The following CYTH2 variants were observed in gnomAD, a reference collection of about 807,000 sequenced individuals.
CYTH2 encodes cytohesin-2.
CYTH2 carries 24 observed loss-of-function variants against 55.4 expected under a neutral mutation model. The observed-to-expected ratio is 0.43, with a 90% CI of 0.31 to 0.61. CYTH2 has a LOEUF of 0.61. Among genes scored for constraint, CYTH2 ranks in the 20% least tolerant of loss-of-function variants. The pLI is 0.08. For synonymous variants in CYTH2, 221 were observed against 209.6 expected (o/e 1.05, Z -0.47); for missense variants, 378 against 533.5 (o/e 0.71, Z 2.87).
At chr19:48,471,571 G>A (rs962331402) in intron 3 of CYTH2, among the ~76,000 whole-genome samples, 3 of 152,212 alleles carry the variant, frequency 2.0e-5, no homozygotes, top group African/African-American at 7.2e-5. Context: ...AGAGCCCTTG[G>A]ACACCGATAC....
chr19:48,475,035 C>A, intron 8 of CYTH2, 86 bp downstream of exon 8: 2 of 1,174,424 alleles, frequency 1.7e-6, no homozygotes, highest in Non-Finnish European at 2.5e-6. Context: ...CACACACCTG[C>A]TGCCTGAACT....
intron 11 of CYTH2, 109 bp from the exon 12 acceptor site, chr19:48,479,014 T>C (rs1971998346): frequency 5.3e-6 from 6 of 1,128,438 alleles, no homozygotes; most frequent in African/African-American, 1.6e-5. Context: ...GACTCCTGGG[T>C]CTGAGGGAGG....
At position 48,474,968 on chromosome 19, in the gene CYTH2, C is replaced by T. The variant is rs1328099905; in HGVS notation, c.808+19C>T. ...AAGCTGGGTACGTGCCCTCCCGACC[C>T]CGCTGGTCCCTCCGCAGGAGGACAT... On this transcript the variant is annotated intron_variant, in intron 8 of 11. Transcript: ENST00000452733. This position sits in a 1 kb window ranked among gnomAD's most constrained non-coding sequence, Gnocchi z 4.9. The T allele has an allele frequency of 1.9e-6, 3 of 1,608,976 alleles. No homozygotes were observed. Among genetic ancestry groups the T allele is most frequent in the African/African-American group, 1.3e-5 (1 of 74,754 alleles).
rs1421030075 is a variant in CYTH2, at chr19:48,474,415, A to C, written c.696+85A>C. On this transcript the variant is annotated intron_variant, in intron 7 of 11. Coordinates refer to ENST00000452733, the MANE Select transcript of CYTH2 (RefSeq NM_004228.7). The surrounding 1 kb of genome is among the most constrained non-coding windows in gnomAD (Gnocchi z 4.9). ...CCCACCTGTGGTCTCCTAGTGCCCA[A>C]GCTGTCTGCCCTCACCCCCAAGATG... 1 of 1,424,428 alleles carries C rather than the reference A, an allele frequency of 7.0e-7. No individual in the cohort carries two copies. The allele number at this position is 1,424,428 out of a possible 1,614,324, so 88.2% of individuals were successfully genotyped here.
In CYTH2 at chr19:48,478,311, C is replaced by T; in HGVS notation, c.922C>T (p.Leu308=). ...CCGAGGAATCATCCCCCTGGAGAAT[C>T]TGAGCATCCGAGAGGTGGACGACCC... ...EPRGIIPLEN[L]SIREVDDPRK... is the part of the protein sequence containing the mutation. The change falls in exon 10 of 12, where the codon CTG becomes TTG. Residue 308 remains leucine (L), a synonymous_variant. Transcript: ENST00000452733. The T allele has an allele frequency of 6.2e-7, 1 of 1,614,056 alleles. No homozygotes were observed. Among genetic ancestry groups the T allele is most frequent in the Non-Finnish European group, 8.5e-7 (1 of 1,180,006 alleles).
chr19:48,473,707 A>C (rs1971849733), intron 5 of CYTH2, 198 bp from the exon 6 acceptor site: 1 of 604,274 alleles, frequency 1.7e-6, no homozygotes, highest in Non-Finnish European at 2.9e-6. Context: ...TAGCAGAAAG[A>C]GGCTATTTCT....
At chr19:48,476,162 G>A in intron 8 of CYTH2, 1 of 348,236 alleles carries the variant, frequency 2.9e-6, no homozygotes, top group South Asian at 2.1e-5. Flanking sequence ...GTCAGGCAGG[G>A]CACAGGGGCC....
At chr19:48,471,236 A>G (rs1971786016) in intron 3 of CYTH2, among the ~76,000 whole-genome samples, 1 of 150,710 alleles carries the variant, frequency 6.6e-6, no homozygotes, top group Admixed American at 6.6e-5. Flanking sequence ...ATCTCGGCTC[A>G]CTAACCTCCG....
At chr19:48,473,446 C>G (rs925104915) in intron 5 of CYTH2, 68 bp downstream of exon 5, 1 of 1,507,056 alleles carries the variant, frequency 6.6e-7, no homozygotes, top group Non-Finnish European at 9.2e-7. Context: ...TTACAAGTGA[C>G]AAACCTTACT....
In CYTH2 at chr19:48,470,521, C is replaced by T. The variant is rs118155821; in HGVS notation, c.167+21C>T. On this transcript the variant is annotated intron_variant, in intron 2 of 11. Coordinates refer to ENST00000452733, the MANE Select transcript of CYTH2 (RefSeq NM_004228.7). Reference sequence around the variant, plus strand: ...GGCAGGTGAGGGCTGGGGCGGATGACCTAGGGGGCGTGGGGTTGGCTGAGG... The same window carrying T: ...GGCAGGTGAGGGCTGGGGCGGATGATCTAGGGGGCGTGGGGTTGGCTGAGG... 3.8e-4 allele frequency: 621 copies of T among 1,613,586 alleles called. 4 individuals are homozygous for T. The East Asian group carries it at 0.013, about 34-fold the overall frequency.
chr19:48,475,089 C>G, intron 8 of CYTH2, 140 bp downstream of exon 8: 1 of 706,312 alleles, frequency 1.4e-6, no homozygotes, highest in Non-Finnish European at 2.3e-6. Context: ...TTTCCACACC[C>G]AAAAAATGGG....
chr19:48,481,498 T>TG lies in CYTH2; in HGVS notation c.*2288_*2289insG, dbSNP rs985592274. The TG allele has an allele frequency of 5.4e-5, 10 of 186,302 alleles. No individual in the cohort carries two copies. Among genetic ancestry groups the TG allele is most frequent in the Admixed American group, 1.2e-4 (2 of 16,968 alleles). 11.5% of individuals were successfully genotyped at this position (186,302 alleles called of 1,614,324 possible). A position where few individuals can be genotyped will look rare whatever the true frequency, so the allele number is the denominator to read the frequency against. On this transcript the variant is annotated 3_prime_UTR_variant, in exon 12 of 12. Transcript: ENST00000452733. Reference sequence around the variant, plus strand: ...TTCTGATTTTTTTTGTAGGTTTTTTTTTTTGTTTTTTGTTTTGTTTTGTTT... The same window carrying TG: ...TTCTGATTTTTTTTGTAGGTTTTTTTGTTTTGTTTTTTGTTTTGTTTTGTTT...
rs754627559 is a variant in CYTH2, at chr19:48,482,012, G to T, written c.*2802G>T. Reference sequence around the variant, plus strand: ...GTGAGTGCTCACCCTTGGGAATTTGGGAATTTGGTTTTCTCTCCCTTGCTT... The same window carrying T: ...GTGAGTGCTCACCCTTGGGAATTTGTGAATTTGGTTTTCTCTCCCTTGCTT... On this transcript the variant is annotated 3_prime_UTR_variant, in exon 12 of 12. Transcript: ENST00000452733. 2.0e-5 allele frequency: 3 copies of T among 152,396 alleles called. No homozygotes were observed. Among genetic ancestry groups the T allele is most frequent in the Non-Finnish European group, 4.4e-5 (3 of 68,126 alleles). The allele number at this position is 152,396 out of a possible 1,614,324, so 9.4% of individuals were successfully genotyped here.
intron 8 of CYTH2, 101 bp downstream of exon 8, chr19:48,475,050 CA>C: frequency 9.5e-7 from 1 of 1,049,746 alleles, no homozygotes; most frequent in Non-Finnish European, 1.4e-6. Context: ...TGAACTGAGG[CA>C]AATGATTCGA....
Position 48,480,487 on chromosome 19 carries a change from G to A in CYTH2, c.*1277G>A, listed in dbSNP as rs957502192. The A allele has an allele frequency of 6.6e-6, 1 of 152,210 alleles. No homozygotes were observed. The highest frequency in any genetic ancestry group is 1.5e-5 in the Non-Finnish European group (1 of 68,030). The allele number at this position is 152,210 out of a possible 1,614,324, so 9.4% of individuals were successfully genotyped here. A position where few individuals can be genotyped will look rare whatever the true frequency, so the allele number is the denominator to read the frequency against. ...CCGGCCTGAAGGCCCCCGCGGTGGG[G>A]GTACCCTGCGCCCCTCCGCGGGAAG... On this transcript the variant is annotated 3_prime_UTR_variant, in exon 12 of 12. Transcript: ENST00000452733.
intron 5 of CYTH2, chr19:48,473,626 A>G (rs550738925): frequency 1.7e-6 from 1 of 599,858 alleles, no homozygotes; most frequent in African/African-American, 1.9e-5. Context: ...CCACTGTGTC[A>G]GCATTGCTCT....
chr19:48,475,063 C>T (rs925619161), intron 8 of CYTH2, 114 bp downstream of exon 8: 2 of 895,872 alleles, frequency 2.2e-6, no homozygotes, highest in Non-Finnish European at 1.7e-6. Flanking sequence ...ATGATTCGAC[C>T]TCTCTGAACC....
rs34290149 is a variant in CYTH2 at position 48,481,478 on chromosome 19, A to AT, written c.*2276dup. 141,750 of 169,100 alleles carry AT rather than the reference A, an allele frequency of 0.84. 60,281 individuals are homozygous for AT. Among genetic ancestry groups the AT allele is most frequent in the Non-Finnish European group, 0.89 (70,814 of 79,928 alleles). 10.5% of individuals were successfully genotyped at this position (169,100 alleles called of 1,614,324 possible). A position where few individuals can be genotyped will look rare whatever the true frequency, so the allele number is the denominator to read the frequency against. On this transcript the variant is annotated 3_prime_UTR_variant, in exon 12 of 12. Coordinates refer to ENST00000452733, the MANE Select transcript of CYTH2 (RefSeq NM_004228.7). Reference sequence around the variant, plus strand: ...CCCCCAAGCTCCCAGCACGCTTCTGATTTTTTTTGTAGGTTTTTTTTTTTG... The same window carrying AT: ...CCCCCAAGCTCCCAGCACGCTTCTGATTTTTTTTTGTAGGTTTTTTTTTTTG...
chr19:48,477,607 T>A, intron 8 of CYTH2: 1 of 172,930 alleles, frequency 5.8e-6, no homozygotes, highest in Non-Finnish European at 1.3e-5. Flanking sequence ...TGCGCACCCC[T>A]CCCTGTGCCC....
Sources: gnomAD v4.1 joint callset for allele counts (sites outside exome capture counted in the v4.1 genomes callset) on GRCh38, gnomAD v4.1.1 for gene constraint, Gnocchi (gnomAD v3.1) non-coding constraint, MANE v1.5 for transcripts, NCBI Gene and HGNC (gene_info 2026-07-23, HGNC 2026-07-21) for gene names.